Variants in PEX5L observed in about 807,000 individuals in gnomAD.
The protein encoded by PEX5L is peroxisomal biogenesis factor 5 like.
A neutral mutation model predicts 84.0 loss-of-function variants in PEX5L; 30 were observed. That is an observed-to-expected ratio of 0.36 (90% CI 0.27 to 0.48). The LOEUF is 0.48. Ranked by LOEUF, PEX5L falls within the 20% of genes least tolerant of loss-of-function variation. PEX5L has a pLI of 0.99. For synonymous variants in PEX5L, 270 were observed against 283.1 expected (o/e 0.95, Z 0.46); for missense variants, 533 against 754.6 (o/e 0.71, Z 3.44).
At chr3:179,811,293 T>G (rs1723736495) in intron 11 of PEX5L, among the ~76,000 whole-genome samples, 2 of 151,958 alleles carry the variant, frequency 1.3e-5, no homozygotes, top group African/African-American at 4.8e-5. Context: ...TAGCACTATA[T>G]TAAAGGCACT....
In PEX5L at chr3:179,849,307, C is replaced by A. The variant is rs1056885839; in HGVS notation, c.822+9755G>T. On this transcript the variant is annotated intron_variant, in intron 8 of 14. Coordinates refer to ENST00000467460, the MANE Select transcript of PEX5L (RefSeq NM_016559.3). ...CTTGCCTAAATTATGTCTGTGAAAT[C>A]GCCAGTTTGAAGTGCTAATTATATT... Among the ~76,000 whole-genome samples the A allele has an allele frequency of 8.5e-5, 13 of 152,212 alleles. No individual in the cohort carries two copies. In the South Asian group the frequency reaches 1.4e-3, roughly 17 times the overall value.
intron 3 of PEX5L, chr3:179,888,044 A>T (rs753110905): frequency 1.3e-4 from 124 of 928,294 alleles, no homozygotes; most frequent in Non-Finnish European, 1.8e-4. Flanking sequence ...CTGAAATATG[A>T]TTATTCTCTA....
At chr3:179,975,496 C>T (rs1027474568) in intron 1 of PEX5L, among the ~76,000 whole-genome samples, 1 of 151,862 alleles carries the variant, frequency 6.6e-6, no homozygotes, top group Non-Finnish European at 1.5e-5. Context: ...ACAAATTAGC[C>T]CTAACTGCAA....
Position 179,980,808 on chromosome 3 carries a change from G to A in PEX5L, c.22-9143C>T, listed in dbSNP as rs188837133. 3.0e-4 allele frequency among the ~76,000 whole-genome samples: 45 copies of A among 152,228 alleles called. No homozygotes were observed. The East Asian group carries it at 6.6e-3, about 22-fold the overall frequency. ...TGTAATCCCAGCACTTTGGGAGGCTGAGGTCAGGAGTTCAAGACCACCCTG... is the reference window on the plus strand; with the variant it reads ...TGTAATCCCAGCACTTTGGGAGGCTAAGGTCAGGAGTTCAAGACCACCCTG... On this transcript the variant is annotated intron_variant, in intron 1 of 14. Coordinates refer to ENST00000467460, the MANE Select transcript of PEX5L (RefSeq NM_016559.3).
intron 2 of PEX5L, among the ~76,000 whole-genome samples, chr3:179,913,184 A>G (rs1765768213): frequency 6.6e-6 from 1 of 152,112 alleles, no homozygotes; most frequent in African/African-American, 2.4e-5. Context: ...TAGACTTCCA[A>G]ACACAGAGAC....
At chr3:179,848,854 G>A (rs143430770) in intron 8 of PEX5L, among the ~76,000 whole-genome samples, 5 of 152,312 alleles carry the variant, frequency 3.3e-5, no homozygotes, top group East Asian at 3.9e-4. Flanking sequence ...TGCCAATGGC[G>A]TGTGAGGAGA....
At chr3:179,896,416 C>T (rs554304577) in intron 3 of PEX5L, among the ~76,000 whole-genome samples, 74 of 152,096 alleles carry the variant, frequency 4.9e-4, no homozygotes, top group Non-Finnish European at 7.8e-4. Flanking sequence ...GTTAATGCAA[C>T]ATTAGACAGG....
Position 179,880,018 on chromosome 3 carries a change from T to C in PEX5L, c.416A>G (p.Lys139Arg), listed in dbSNP as rs1349711721. The change falls in exon 5 of 15, where the codon AAA (lysine) becomes AGA (arginine). Residue 139 changes from lysine to arginine, a missense_variant. Physicochemically the swap from Lys to Arg is conservative, Grantham distance 26 (BLOSUM62 2). Around this residue, in one of 8 missense-constraint regions of PEX5L, gnomAD observed 259 missense variants for 301.7 expected, o/e 0.86. Coordinates refer to ENST00000467460, the MANE Select transcript of PEX5L (RefSeq NM_016559.3). ...EPSSKTSSLK[K>R]KADGSDLIST... ...GATGAGGTCAGATCCATCGGCCTTT[T>C]TCTTGAGGGATGAGGTTTTTGATGA... 2 of 1,613,962 alleles carry C rather than the reference T, an allele frequency of 1.2e-6. No individual in the cohort carries two copies. Among genetic ancestry groups the C allele is most frequent in the African/African-American group, 2.7e-5 (2 of 74,904 alleles).
intron 11 of PEX5L, among the ~76,000 whole-genome samples, chr3:179,810,599 C>G (rs1190652117): frequency 6.6e-6 from 1 of 152,070 alleles, no homozygotes; most frequent in Non-Finnish European, 1.5e-5. Context: ...TGGGATTGTG[C>G]AGGTTTGACA....
At chr3:179,981,023 CAA>C (rs4041253) in intron 1 of PEX5L, among the ~76,000 whole-genome samples, 51,026 of 135,858 alleles carry the variant, frequency 0.38, 9,457 homozygotes, top group East Asian at 0.74. Flanking sequence ...GACTCCTTCT[CAA>C]AAAAAAAAAA....
chr3:180,012,016 C>G (rs987887959), intron 1 of PEX5L, among the ~76,000 whole-genome samples: 1 of 152,080 alleles, frequency 6.6e-6, no homozygotes, highest in Admixed American at 6.6e-5. Context: ...ACAATCTTGC[C>G]CCTTAATTTG....
intron 8 of PEX5L, among the ~76,000 whole-genome samples, chr3:179,849,552 T>C (rs1740972249): frequency 6.6e-6 from 1 of 152,232 alleles, no homozygotes; most frequent in African/African-American, 2.4e-5. Flanking sequence ...TCCTTTTTCT[T>C]GTAAGTTTAA....
intron 1 of PEX5L, among the ~76,000 whole-genome samples, chr3:180,014,813 C>G (rs1789802599): frequency 6.8e-6 from 1 of 146,492 alleles, no homozygotes; most frequent in Non-Finnish European, 1.5e-5. Flanking sequence ...ACAAACGAAC[C>G]CCGAAATCTG....
At chr3:179,988,273 T>C (rs1787042350) in intron 1 of PEX5L, among the ~76,000 whole-genome samples, 1 of 151,826 alleles carries the variant, frequency 6.6e-6, no homozygotes, top group African/African-American at 2.4e-5. Flanking sequence ...TGGTCATAAG[T>C]GCCTGTAATC....
chr3:179,840,192 T>TTTTG (rs1736646177), intron 8 of PEX5L, among the ~76,000 whole-genome samples: 11 of 144,276 alleles, frequency 7.6e-5, no homozygotes, highest in Admixed American at 2.1e-4. Flanking sequence ...TGTTTTTTTT[T>TTTTG]TTTTTTTTTT....
At chr3:180,026,801 A>G (rs1444556161) in intron 1 of PEX5L, among the ~76,000 whole-genome samples, 1 of 152,168 alleles carries the variant, frequency 6.6e-6, no homozygotes, top group Non-Finnish European at 1.5e-5. Context: ...ATAGAGACCA[A>G]GGTGTCTATT....
chr3:179,801,816 A>G lies in PEX5L; in HGVS notation c.*12T>C. 1 of 1,503,720 alleles carries G rather than the reference A, an allele frequency of 6.7e-7. No individual in the cohort carries two copies. Among genetic ancestry groups the G allele is most frequent in the South Asian group, 1.1e-5 (1 of 88,916 alleles). The allele number at this position is 1,503,720 out of a possible 1,614,324, so 93.1% of individuals were successfully genotyped here. On this transcript the variant is annotated 3_prime_UTR_variant, in exon 15 of 15. Transcript: ENST00000467460. The stretch of plus-strand genomic sequence containing the variant: ...CAGATCAGGGATTATTAGTACTGGT[A>G]TTATTCTTTCTTCAAGGATCCAAGT...
chr3:179,977,651 G>A (rs1181204858), intron 1 of PEX5L, among the ~76,000 whole-genome samples: 1 of 152,162 alleles, frequency 6.6e-6, no homozygotes, highest in Non-Finnish European at 1.5e-5. Flanking sequence ...GCCTTTCAAG[G>A]ACGTAAGCTC....
intron 7 of PEX5L, among the ~76,000 whole-genome samples, chr3:179,873,159 C>T (rs1388549121): frequency 3.3e-5 from 5 of 152,210 alleles, no homozygotes; most frequent in African/African-American, 9.6e-5. Context: ...TGTGGGTCCG[C>T]GGACAAGTTT....
Sources: allele counts gnomAD v4.1 joint callset (sites outside exome capture counted in the v4.1 genomes callset), GRCh38; gene constraint gnomAD v4.1.1; regional missense constraint gnomAD v4.1.1; transcripts MANE v1.5; gene names NCBI Gene and HGNC (gene_info 2026-07-23, HGNC 2026-07-21).